KLHL1: variants seen among roughly 807,000 people sequenced by gnomAD.
KLHL1 encodes the protein kelch like family member 1.
Under a neutral mutation model 77.7 loss-of-function variants are expected in KLHL1, and 47 were observed. The observed-to-expected ratio is 0.60, with a 90% confidence interval of 0.48 to 0.77. The LOEUF is 0.77. KLHL1 is among the 30% of genes least tolerant of loss of function. The probability of loss-of-function intolerance (pLI) is 0.00; values close to 1 mark genes in which losing one functional copy is unlikely to be tolerated. For synonymous variants in KLHL1, 360 were observed against 325.2 expected, an observed-to-expected ratio of 1.11 and a Z score of -1.15; for missense variants, 925 against 910.8, an observed-to-expected ratio of 1.02 and a Z score of -0.20.
At chr13:70,034,747 TC>T (rs1315131417) in intron 1 of KLHL1, among the ~76,000 whole-genome samples, 1 of 152,176 alleles carries the variant, frequency 6.6e-6, no homozygotes, top group Non-Finnish European at 1.5e-5. Context: ...CGTTCTTTTC[TC>T]CAGACATACA....
At position 69,740,568 on chromosome 13, in the gene KLHL1, GATAA is replaced by G; in HGVS notation, c.1640-16_1640-13del. On this transcript the variant is annotated splice_polypyrimidine_tract_variant and intron_variant, in intron 7 of 10. Transcript: ENST00000377844. ...AAGTACTGTTACACCTAAAATATTA[GATAA>G]ATGAATGTAGTGCCTATAGTTAATA... 6.3e-7 allele frequency: 1 copy of G among 1,588,214 alleles called. No individual in the cohort carries two copies. Among genetic ancestry groups the G allele is most frequent in the South Asian group, 1.1e-5 (1 of 87,934 alleles).
intron 8 of KLHL1, among the ~76,000 whole-genome samples, chr13:69,722,607 C>T (rs1164229561): frequency 1.3e-5 from 2 of 151,736 alleles, no homozygotes; most frequent in Non-Finnish European, 2.9e-5. Flanking sequence ...TGAGATATCG[C>T]CTCACTCCAG....
At chr13:70,099,205 CACT>C (rs1358552826) in intron 1 of KLHL1, among the ~76,000 whole-genome samples, 2 of 151,798 alleles carry the variant, frequency 1.3e-5, no homozygotes, top group Non-Finnish European at 2.9e-5. Flanking sequence ...ATACAGTGAA[CACT>C]ACTATTATTC....
At chr13:69,937,271 T>G (rs967151518) in intron 4 of KLHL1, among the ~76,000 whole-genome samples, 2 of 152,170 alleles carry the variant, frequency 1.3e-5, no homozygotes, top group Non-Finnish European at 2.9e-5. Flanking sequence ...AACAGAGAAT[T>G]GCATTAGTAA....
At chr13:69,927,201 CAT>C (rs1222790439) in intron 4 of KLHL1, among the ~76,000 whole-genome samples, 3 of 152,140 alleles carry the variant, frequency 2.0e-5, no homozygotes, top group Admixed American at 6.5e-5. Flanking sequence ...CATGTGTACA[CAT>C]GATACACACA....
At chr13:69,920,827 C>T (rs1593950977) in intron 4 of KLHL1, among the ~76,000 whole-genome samples, 1 of 152,116 alleles carries the variant, frequency 6.6e-6, no homozygotes, top group East Asian at 1.9e-4. Context: ...CAAAAAACAC[C>T]TCTAAACATT....
chr13:69,767,666 T>C (rs1025141608), intron 7 of KLHL1, among the ~76,000 whole-genome samples: 1 of 152,212 alleles, frequency 6.6e-6, no homozygotes, highest in East Asian at 1.9e-4. Flanking sequence ...ATCAATAGAT[T>C]ATATTTCTAG....
chr13:69,746,401 A>G (rs1874214774), intron 7 of KLHL1, among the ~76,000 whole-genome samples: 1 of 151,888 alleles, frequency 6.6e-6, no homozygotes, highest in Non-Finnish European at 1.5e-5. Flanking sequence ...AGTAATGCTT[A>G]CTGCTCTAAA....
chr13:69,870,109 T>G (rs924198056), intron 5 of KLHL1, among the ~76,000 whole-genome samples: 2 of 152,172 alleles, frequency 1.3e-5, no homozygotes, highest in African/African-American at 4.8e-5. Flanking sequence ...GACTGTGTAA[T>G]TTATAAATAA....
chr13:69,926,571 T>A (rs927769187), intron 4 of KLHL1, among the ~76,000 whole-genome samples: 3 of 152,150 alleles, frequency 2.0e-5, no homozygotes, highest in Non-Finnish European at 4.4e-5. Flanking sequence ...CCTAGCTGGC[T>A]ATTTGCAGAA....
intron 1 of KLHL1, among the ~76,000 whole-genome samples, chr13:70,021,026 T>C (rs1374264883): frequency 6.6e-6 from 1 of 152,072 alleles, no homozygotes; most frequent in Non-Finnish European, 1.5e-5. Context: ...ACTATGTTGA[T>C]ACCTTATTAT....
At chr13:70,030,272 C>A (rs1224892570) in intron 1 of KLHL1, among the ~76,000 whole-genome samples, 1 of 152,156 alleles carries the variant, frequency 6.6e-6, no homozygotes, top group East Asian at 1.9e-4. Flanking sequence ...ACTCTCCACC[C>A]CAGATCAGCA....
chr13:69,871,321 TA>T (rs1472729970), intron 5 of KLHL1, among the ~76,000 whole-genome samples: 1 of 152,180 alleles, frequency 6.6e-6, no homozygotes, highest in African/African-American at 2.4e-5. Context: ...TCTGTCATTC[TA>T]GGCCTCTTGG....
At position 69,701,782 on chromosome 13, in the gene KLHL1, C is replaced by A. The variant is rs759325991; in HGVS notation, c.2188-21G>T. On this transcript the variant is annotated intron_variant, in intron 10 of 10. Coordinates refer to ENST00000377844, the MANE Select transcript of KLHL1 (RefSeq NM_020866.3). ...GCCATCTGTTAAAAAAGATGAAACA[C>A]AACTTAAGACAAGTTTTCATAGAAA... The A allele has an allele frequency of 6.5e-6, 10 of 1,533,098 alleles. No homozygotes were observed. In the East Asian group the frequency reaches 2.3e-4, roughly 35 times the overall value. The allele number at this position is 1,533,098 out of a possible 1,614,324, so 95.0% of individuals were successfully genotyped here. A position where few individuals can be genotyped will look rare whatever the true frequency, so the allele number is the denominator to read the frequency against.
intron 7 of KLHL1, among the ~76,000 whole-genome samples, chr13:69,789,314 A>C (rs1379126502): frequency 6.6e-6 from 1 of 150,990 alleles, no homozygotes; most frequent in Non-Finnish European, 1.5e-5. Flanking sequence ...TGACAAAATA[A>C]GTCTTATTTA....
intron 6 of KLHL1, among the ~76,000 whole-genome samples, chr13:69,834,743 GA>G (rs1878915868): frequency 6.6e-6 from 1 of 152,176 alleles, no homozygotes; most frequent in African/African-American, 2.4e-5. Context: ...TTGAAGAAGA[GA>G]ATGTATAACA....
intron 7 of KLHL1, among the ~76,000 whole-genome samples, chr13:69,757,957 CAAAAAAAA>C (rs59302694): frequency 0.024 from 1,780 of 73,074 alleles, 21 homozygotes; most frequent in Non-Finnish European, 0.037. Flanking sequence ...AACTCCATCT[CAAAAAAAA>C]AAAAAAAAAA....
At chr13:69,786,458 C>A (rs138837483) in intron 7 of KLHL1, among the ~76,000 whole-genome samples, 3 of 152,090 alleles carry the variant, frequency 2.0e-5, no homozygotes, top group South Asian at 2.1e-4. Context: ...ATTCAACAAC[C>A]CTTCATGCTA....
chr13:70,047,224 A>G (rs978591059), intron 1 of KLHL1, among the ~76,000 whole-genome samples: 2 of 152,024 alleles, frequency 1.3e-5, no homozygotes, highest in African/African-American at 4.8e-5. Flanking sequence ...AAAACTTATA[A>G]AACTTGGTTT....
Sources: allele counts gnomAD v4.1 joint callset (sites outside exome capture counted in the v4.1 genomes callset), GRCh38; gene constraint gnomAD v4.1.1; transcripts MANE v1.5; gene names NCBI Gene and HGNC (gene_info 2026-07-23, HGNC 2026-07-21).